SPOCK3: variants seen among roughly 807,000 people sequenced by gnomAD.
The protein encoded by SPOCK3 is testican-3.
A neutral mutation model predicts 56.6 loss-of-function variants in SPOCK3; 30 were observed. That is an observed-to-expected ratio of 0.53 (90% CI 0.40 to 0.72). SPOCK3 has a LOEUF of 0.72. SPOCK3 is among the 30% of genes least tolerant of loss of function. The pLI is 0.00. For synonymous variants in SPOCK3, 196 were observed against 183.3 expected (o/e 1.07, Z -0.56); for missense variants, 527 against 530.0 (o/e 0.99, Z 0.06).
At chr4:167,141,692 A>C (rs1213717810) in intron 2 of SPOCK3, among the ~76,000 whole-genome samples, 1 of 152,050 alleles carries the variant, frequency 6.6e-6, no homozygotes, top group African/African-American at 2.4e-5. Context: ...GAAAATAGGA[A>C]AGAAAAGATC....
At chr4:166,819,331 C>T (rs1038293886) in intron 6 of SPOCK3, among the ~76,000 whole-genome samples, 1 of 151,964 alleles carries the variant, frequency 6.6e-6, no homozygotes. Flanking sequence ...GATATCTGTT[C>T]TTACTACTTA....
chr4:167,151,013 A>T (rs891798917), intron 2 of SPOCK3, among the ~76,000 whole-genome samples: 2 of 152,184 alleles, frequency 1.3e-5, no homozygotes, highest in African/African-American at 4.8e-5. Flanking sequence ...GTTGAAGACA[A>T]TATTGCATCT....
chr4:167,199,975 G>C (rs1257888742), intron 2 of SPOCK3, among the ~76,000 whole-genome samples: 1 of 151,828 alleles, frequency 6.6e-6, no homozygotes, highest in Non-Finnish European at 1.5e-5. Flanking sequence ...GTGAATGTTT[G>C]ACTGAGAAAA....
chr4:166,735,303 A>G (rs1482687021), intron 10 of SPOCK3, among the ~76,000 whole-genome samples: 5 of 152,078 alleles, frequency 3.3e-5, no homozygotes, highest in Non-Finnish European at 7.4e-5. Flanking sequence ...AAGCAGAATC[A>G]TTATTGAGGT....
At chr4:167,179,181 G>A (rs1248456795) in intron 2 of SPOCK3, among the ~76,000 whole-genome samples, 1 of 152,102 alleles carries the variant, frequency 6.6e-6, no homozygotes, top group Non-Finnish European at 1.5e-5. Flanking sequence ...GCCCTGATTA[G>A]ATATTATGTT....
At chr4:167,217,308 A>C (rs13102417) in intron 2 of SPOCK3, among the ~76,000 whole-genome samples, 4,816 of 152,162 alleles carry the variant, frequency 0.032, 114 homozygotes, top group Middle Eastern at 0.075. Context: ...GAAAATACCG[A>C]GGAAAAAAAG....
chr4:166,767,322 A>C (rs1738229773), intron 7 of SPOCK3, among the ~76,000 whole-genome samples: 1 of 138,428 alleles, frequency 7.2e-6, no homozygotes, highest in Non-Finnish European at 1.6e-5. Flanking sequence ...TCTTGTGGGC[A>C]TTTAGTGCTA....
At chr4:166,968,297 A>G (rs889745446) in intron 4 of SPOCK3, among the ~76,000 whole-genome samples, 5 of 152,238 alleles carry the variant, frequency 3.3e-5, no homozygotes, top group African/African-American at 1.2e-4. Flanking sequence ...AGAAATTTGC[A>G]TAATTAAGAG....
intron 5 of SPOCK3, among the ~76,000 whole-genome samples, chr4:166,894,294 C>T (rs1246197608): frequency 6.6e-6 from 1 of 151,942 alleles, no homozygotes; most frequent in Non-Finnish European, 1.5e-5. Flanking sequence ...AATCTTGTGC[C>T]ATAGGGCAGG....
chr4:167,073,342 G>C (rs540071746), intron 2 of SPOCK3, among the ~76,000 whole-genome samples: 1 of 151,774 alleles, frequency 6.6e-6, no homozygotes, highest in African/African-American at 2.4e-5. Context: ...ATACAGTGCT[G>C]TTCAAAATTT....
intron 4 of SPOCK3, among the ~76,000 whole-genome samples, chr4:166,939,699 G>T (rs1226847337): frequency 2.0e-5 from 3 of 152,172 alleles, no homozygotes; most frequent in Non-Finnish European, 4.4e-5. Context: ...TTTCTAAATT[G>T]ATCTTATCTA....
chr4:167,002,522 A>C (rs1561106350), intron 3 of SPOCK3, among the ~76,000 whole-genome samples: 2 of 152,174 alleles, frequency 1.3e-5, no homozygotes, highest in African/African-American at 4.8e-5. Context: ...TACTAAGATA[A>C]TTTTTTAAAT....
intron 2 of SPOCK3, among the ~76,000 whole-genome samples, chr4:167,111,605 G>A (rs533444127): frequency 3.3e-5 from 5 of 152,002 alleles, no homozygotes; most frequent in African/African-American, 9.7e-5. Context: ...CCTAATGTGC[G>A]AATATGCAAT....
At chr4:167,009,482 T>C (rs1205934334) in intron 3 of SPOCK3, among the ~76,000 whole-genome samples, 1 of 152,180 alleles carries the variant, frequency 6.6e-6, no homozygotes, top group Non-Finnish European at 1.5e-5. Context: ...TATATTACTT[T>C]CACGGTGTAA....
At chr4:166,794,210 C>CAAAAGAAAAAA (rs1741648591) in intron 6 of SPOCK3, among the ~76,000 whole-genome samples, 1 of 73,612 alleles carries the variant, frequency 1.4e-5, no homozygotes, top group Non-Finnish European at 2.5e-5. Flanking sequence ...GGTGATAAGG[C>CAAAAGAAAAAA]AAAAAAAAAA....
intron 4 of SPOCK3, among the ~76,000 whole-genome samples, chr4:166,953,671 A>C (rs1176224885): frequency 6.6e-6 from 1 of 152,220 alleles, no homozygotes; most frequent in African/African-American, 2.4e-5. Flanking sequence ...AATATGAAAG[A>C]CTTGGAACCA....
chr4:167,065,835 T>C (rs2150254082), intron 2 of SPOCK3, among the ~76,000 whole-genome samples: 1 of 152,022 alleles, frequency 6.6e-6, no homozygotes, highest in African/African-American at 2.4e-5. Flanking sequence ...CAGGCTTCAA[T>C]TTATATCCAA....
rs749761742 is a variant in SPOCK3 at position 166,937,937 on chromosome 4, T to TTC, written c.351-25195_351-25194insGA. ...CGCCACCACGCCCGGCTAATCTCTT[T>TTC]TTTTTTTTTTTTTAATATTTTTACT... is the stretch of plus-strand genomic sequence containing the variant. On this transcript the variant is annotated intron_variant, in intron 4 of 10. Coordinates refer to ENST00000357545, the MANE Select transcript of SPOCK3 (RefSeq NM_001040159.2). Among the ~76,000 whole-genome samples the TTC allele has an allele frequency of 5.6e-4, 83 of 147,324 alleles. 1 individual carries two copies. Among genetic ancestry groups the TTC allele is most frequent in the Non-Finnish European group, 1.2e-3 (77 of 66,714 alleles).
At chr4:166,797,320 T>C (rs1354093661) in intron 6 of SPOCK3, among the ~76,000 whole-genome samples, 2 of 113,830 alleles carry the variant, frequency 1.8e-5, no homozygotes, top group Non-Finnish European at 3.7e-5. Context: ...TTTTTTTTTT[T>C]TTAAACAAAG....
Sources: allele counts gnomAD v4.1 joint callset (sites outside exome capture counted in the v4.1 genomes callset), GRCh38; gene constraint gnomAD v4.1.1; transcripts MANE v1.5; gene names NCBI Gene and HGNC (gene_info 2026-07-23, HGNC 2026-07-21).